Variants in PYY observed in about 807,000 individuals in gnomAD.
PYY encodes peptide tyrosine tyrosine.
Under a neutral mutation model 10.3 loss-of-function variants are expected in PYY, and 12 were observed. The observed-to-expected ratio is 1.17, with a 90% CI of 0.75 to 1.89. The LOEUF (loss-of-function observed/expected upper bound fraction) is 1.89. PYY is among the 40% of genes most tolerant of loss of function. PYY has a pLI of 0.00. For missense variants in PYY, 141 were observed against 134.0 expected (o/e 1.05, Z -0.26); for synonymous variants, 66 against 62.0 (o/e 1.06, Z -0.30).
chr17:43,989,480 A>G (rs1182586042), intron 1 of PYY, among the ~76,000 whole-genome samples: 1 of 152,140 alleles, frequency 6.6e-6, no homozygotes, highest in Non-Finnish European at 1.5e-5. Context: ...ACCATTTCAC[A>G]TTCCCACCCA....
intron 1 of PYY, among the ~76,000 whole-genome samples, chr17:44,002,395 G>A (rs879351992): frequency 6.6e-6 from 1 of 152,160 alleles, no homozygotes; most frequent in Non-Finnish European, 1.5e-5. Flanking sequence ...GAGGAGCAGG[G>A]GTAGGAACTG....
chr17:43,955,008 G>T (rs1316460862), upstream of PYY, among the ~76,000 whole-genome samples: 2 of 152,218 alleles, frequency 1.3e-5, no homozygotes, highest in Non-Finnish European at 2.9e-5. Flanking sequence ...GCAGGGTGAG[G>T]CAGAACCCAG....
chr17:43,955,249 C>G (rs998665960), upstream of PYY, among the ~76,000 whole-genome samples: 3 of 152,214 alleles, frequency 2.0e-5, no homozygotes, highest in African/African-American at 7.2e-5. Flanking sequence ...TTCCAGCTTC[C>G]TCTCCCTGGC....
chr17:43,952,834 C>A lies in PYY; in HGVS notation c.*122G>T. The A allele has an allele frequency of 1.8e-6, 2 of 1,141,052 alleles. No homozygotes were observed. Among genetic ancestry groups the A allele is most frequent in the Non-Finnish European group, 2.4e-6 (2 of 824,424 alleles). 70.7% of individuals were successfully genotyped at this position (1,141,052 alleles called of 1,614,324 possible). On this transcript the variant is annotated 3_prime_UTR_variant, in exon 4 of 4. Coordinates refer to ENST00000692052, the MANE Select transcript of PYY (RefSeq NM_001394028.1). ...GGGCACCGAGACGCGGGCGGAGGGC[C>A]GCACCCGAACCCTGCCCAGACGCCG...
chr17:43,977,818 C>T (rs2048858639), intron 1 of PYY, among the ~76,000 whole-genome samples: 1 of 152,120 alleles, frequency 6.6e-6, no homozygotes, highest in African/African-American at 2.4e-5. Flanking sequence ...ATGGAGATTT[C>T]CTCTAGAACA....
intron 2 of PYY, among the ~76,000 whole-genome samples, chr17:43,964,835 A>C (rs1294040208): frequency 6.6e-6 from 1 of 152,216 alleles, no homozygotes; most frequent in African/African-American, 2.4e-5. Flanking sequence ...GTTTTCCGTA[A>C]TAACTGGTGG....
chr17:43,975,250 T>A (rs1339339744), intron 1 of PYY, among the ~76,000 whole-genome samples: 1 of 152,130 alleles, frequency 6.6e-6, no homozygotes, highest in Non-Finnish European at 1.5e-5. Context: ...CTTACAAACC[T>A]AGGGGTGGTG....
Position 43,972,169 on chromosome 17 carries a change from GTTAT to G in PYY, c.-462-5641_-462-5638del, listed in dbSNP as rs1305065962. Among the ~76,000 whole-genome samples, 741 of 142,838 alleles carry G rather than the reference GTTAT, an allele frequency of 5.2e-3. 7 individuals carry two copies. The highest frequency in any genetic ancestry group is 0.017 in the African/African-American group (672 of 39,016). 93.7% of individuals were successfully genotyped at this position (142,838 alleles called of 152,430 possible). A position where few individuals can be genotyped will look rare whatever the true frequency, so the allele number is the denominator to read the frequency against. The stretch of plus-strand genomic sequence containing the variant: ...GTCAATTTTATTTTATGTTACTTTA[GTTAT>G]TTATTTATTTTATTTTATTTTATTT... On this transcript the variant is annotated intron_variant, in intron 1 of 6. Transcript: ENST00000360085.
intron 1 of PYY, among the ~76,000 whole-genome samples, chr17:43,977,408 C>T (rs1178870219): frequency 1.3e-5 from 2 of 152,080 alleles, no homozygotes; most frequent in Non-Finnish European, 2.9e-5. Context: ...AGTCAGTGAC[C>T]TGGAAACTAG....
chr17:43,993,385 C>G (rs745568547), intron 1 of PYY, among the ~76,000 whole-genome samples: 1 of 150,690 alleles, frequency 6.6e-6, no homozygotes, highest in African/African-American at 2.4e-5. Context: ...CGTGAACCCG[C>G]GAGGCAGAGC....
chr17:43,992,123 G>A (rs377520377), intron 1 of PYY, among the ~76,000 whole-genome samples: 4,493 of 120,148 alleles, frequency 0.037, no homozygotes, highest in African/African-American at 0.042. Flanking sequence ...CTGTCTCAAA[G>A]AAAAAAAAAA....
chr17:43,990,763 T>G (rs1356336848), intron 1 of PYY, among the ~76,000 whole-genome samples: 1 of 151,728 alleles, frequency 6.6e-6, no homozygotes, highest in Non-Finnish European at 1.5e-5. Context: ...GATTACGAAA[T>G]TTATGATATG....
At chr17:43,982,488 G>C (rs1045613963) in intron 1 of PYY, among the ~76,000 whole-genome samples, 2 of 152,210 alleles carry the variant, frequency 1.3e-5, no homozygotes, top group Admixed American at 1.3e-4. Context: ...TGATGCTCTT[G>C]TGCAGTGCAC....
At chr17:43,960,722 T>C (rs1597844097) in intron 2 of PYY, among the ~76,000 whole-genome samples, 1 of 150,476 alleles carries the variant, frequency 6.6e-6, no homozygotes, top group Non-Finnish European at 1.5e-5. Context: ...TGGTGGCGGG[T>C]GCCTGTAATC....
intron 2 of PYY, among the ~76,000 whole-genome samples, chr17:43,963,439 C>A (rs2341378): frequency 6.8e-6 from 1 of 146,730 alleles, no homozygotes; most frequent in Non-Finnish European, 1.5e-5. Flanking sequence ...ACCCAGGAGG[C>A]GGAGGTTACA....
intron 1 of PYY, among the ~76,000 whole-genome samples, chr17:43,985,359 T>C (rs1255282641): frequency 6.6e-6 from 1 of 152,132 alleles, no homozygotes; most frequent in Non-Finnish European, 1.5e-5. Context: ...TACAGGTGCA[T>C]ACCACCCCAC....
At chr17:44,000,856 A>G (rs1006929738) in intron 1 of PYY, among the ~76,000 whole-genome samples, 4 of 151,992 alleles carry the variant, frequency 2.6e-5, no homozygotes, top group Non-Finnish European at 5.9e-5. Flanking sequence ...CACCTGGCCT[A>G]TGTGAGTGCA....
chr17:43,975,789 TACATAC>T (rs2048826392), intron 1 of PYY, among the ~76,000 whole-genome samples: 3 of 135,698 alleles, frequency 2.2e-5, no homozygotes, highest in Non-Finnish European at 3.3e-5. Flanking sequence ...TATACACGTG[TACATAC>T]ACGTGTCTAC....
chr17:43,968,766 T>C (rs1269863702), intron 1 of PYY, among the ~76,000 whole-genome samples: 4 of 149,326 alleles, frequency 2.7e-5, no homozygotes, highest in East Asian at 2.0e-4. Flanking sequence ...GAGCCAAGAT[T>C]GTGCCACTGC....
Sources: allele counts gnomAD v4.1 joint callset (sites outside exome capture counted in the v4.1 genomes callset), GRCh38; gene constraint gnomAD v4.1.1; transcripts MANE v1.5; gene names NCBI Gene and HGNC (gene_info 2026-07-23, HGNC 2026-07-21).